TLN2: variants seen among roughly 807,000 people sequenced by gnomAD.
TLN2 encodes the protein talin 2, also known as talin-2.
A neutral mutation model predicts 294.7 loss-of-function variants in TLN2; 118 were observed. The ratio of observed to expected loss-of-function variants is 0.40; its 90% CI spans 0.34 to 0.47. TLN2 has a LOEUF of 0.47. Ranked by LOEUF, TLN2 falls within the 20% of genes least tolerant of loss-of-function variation. The pLI is 0.84. For missense variants in TLN2, 3,083 were observed against 3,282.2 expected, an observed-to-expected ratio of 0.94 and a Z score of 1.48; for synonymous variants, 1,431 against 1,304.5, an observed-to-expected ratio of 1.10 and a Z score of -2.09.
intron 3 of TLN2, among the ~76,000 whole-genome samples, chr15:62,630,061 C>T (rs1326069773): frequency 3.3e-5 from 5 of 152,052 alleles, no homozygotes; most frequent in Non-Finnish European, 5.9e-5. Context: ...GTGTATATAA[C>T]GAGCTGCCAG....
chr15:62,495,349 C>G (rs1360050016), intron 1 of TLN2, among the ~76,000 whole-genome samples: 2 of 152,084 alleles, frequency 1.3e-5, no homozygotes, highest in Non-Finnish European at 2.9e-5. Flanking sequence ...GATCTTTCTC[C>G]CCAGAGAGAA....
intron 32 of TLN2, among the ~76,000 whole-genome samples, chr15:62,742,826 C>T (rs567353649): frequency 6.6e-6 from 1 of 152,230 alleles, no homozygotes; most frequent in East Asian, 1.9e-4. Flanking sequence ...GCTTCTGCTC[C>T]CTGGGGCTGT....
At chr15:62,777,530 C>CAAAAAAAA (rs5813171) in intron 43 of TLN2, among the ~76,000 whole-genome samples, 1 of 135,490 alleles carries the variant, frequency 7.4e-6, no homozygotes. Flanking sequence ...GCGAAACTCT[C>CAAAAAAAA]AAAAAAAAAA....
chr15:62,717,810 C>T, intron 24 of TLN2, 121 bp downstream of exon 24: 3 of 680,596 alleles, frequency 4.4e-6, no homozygotes, highest in Non-Finnish European at 4.6e-6. Flanking sequence ...CAATTTGCCC[C>T]AGTTCCCATG....
At chr15:62,748,515 C>A in intron 33 of TLN2, 71 bp downstream of exon 33, 1 of 1,190,494 alleles carries the variant, frequency 8.4e-7, no homozygotes, top group Non-Finnish European at 1.2e-6. Context: ...GTGTGTCTGT[C>A]TGTCTATGTC....
intron 13 of TLN2, 151 bp from the exon 14 acceptor site, chr15:62,694,165 C>CG: frequency 1.8e-6 from 1 of 556,828 alleles, no homozygotes; most frequent in Non-Finnish European, 3.2e-6. Flanking sequence ...TTATTAGAGA[C>CG]GGGGTCTCAC....
intron 1 of TLN2, among the ~76,000 whole-genome samples, chr15:62,488,540 T>C (rs2038534269): frequency 6.6e-6 from 1 of 152,200 alleles, no homozygotes; most frequent in Admixed American, 6.5e-5. Context: ...CACTGCAAAA[T>C]GGCCAGAATT....
chr15:62,766,638 G>A (rs2063025897), intron 41 of TLN2, among the ~76,000 whole-genome samples: 1 of 152,186 alleles, frequency 6.6e-6, no homozygotes, highest in Non-Finnish European at 1.5e-5. Flanking sequence ...AAGTTCAGAA[G>A]AAAACTTCAG....
At chr15:62,750,369 G>T (rs767591040) in intron 33 of TLN2, 33 bp from the exon 34 acceptor site, 10 of 1,580,178 alleles carry the variant, frequency 6.3e-6, no homozygotes, top group African/African-American at 5.4e-5. Flanking sequence ...TATGACATTT[G>T]CTTGCTTTTT....
chr15:62,692,992 C>T (rs375200962), intron 13 of TLN2, 51 bp downstream of exon 13: 22 of 1,512,540 alleles, frequency 1.5e-5, no homozygotes, highest in South Asian at 1.3e-4. Context: ...TATTAAAAGG[C>T]TTGGTTTCGA....
At position 62,755,597 on chromosome 15, in the gene TLN2, C is replaced by G; in HGVS notation, c.4542C>G (p.Ala1514=). ...TSALCNACRI[A]SSKTANPVAK... ...CCTTGTGCAATGCCTGCCGCATCGC[C>G]TCATCCAAGACGGCCAACCCAGTAG... Residue 1514 remains alanine, a synonymous_variant, in exon 37 of 59, where the codon GCC becomes GCG. Coordinates refer to ENST00000636159, the MANE Select transcript of TLN2 (RefSeq NM_015059.3). The G allele has an allele frequency of 6.2e-7, 1 of 1,614,242 alleles. No individual in the cohort carries two copies. Among genetic ancestry groups the G allele is most frequent in the East Asian group, 2.2e-5 (1 of 44,882 alleles).
chr15:62,725,787 T>A (rs1384203411), intron 27 of TLN2, among the ~76,000 whole-genome samples: 1 of 152,200 alleles, frequency 6.6e-6, no homozygotes, highest in Non-Finnish European at 1.5e-5. Context: ...TGTCCAATGT[T>A]ATCTGCCAGT....
At chr15:62,649,484 C>G (rs1407019044) in intron 4 of TLN2, among the ~76,000 whole-genome samples, 1 of 152,146 alleles carries the variant, frequency 6.6e-6, no homozygotes, top group South Asian at 2.1e-4. Flanking sequence ...CCCCTTCGTA[C>G]TTCCTATGTC....
In TLN2 at chr15:62,800,768, C is replaced by T. The variant is rs534607989; in HGVS notation, c.6476C>T (p.Thr2159Met). Residue 2159 changes from threonine (T) to methionine (M), a missense_variant and splice_region_variant, in exon 50 of 59, where the codon ACG (threonine) becomes ATG (methionine). Transcript: ENST00000636159. ...ATIECIKQELTVFQSKDVPEK... is the reference protein window; with the variant it reads ...ATIECIKQELMVFQSKDVPEK... ...ATTGAATGCATAAAGCAGGAGCTTACGGTAAGGAGCCAGCAGTTACCTCCC... is the reference window on the plus strand; with the variant it reads ...ATTGAATGCATAAAGCAGGAGCTTATGGTAAGGAGCCAGCAGTTACCTCCC... The T allele has an allele frequency of 1.5e-5, 24 of 1,609,300 alleles. No homozygotes were observed. The highest frequency in any genetic ancestry group is 4.0e-5 in the African/African-American group (3 of 75,000).
At chr15:62,455,614 G>A (rs1020100064) in intron 1 of TLN2, among the ~76,000 whole-genome samples, 1 of 152,196 alleles carries the variant, frequency 6.6e-6, no homozygotes, top group African/African-American at 2.4e-5. Flanking sequence ...ATGCCAGAGT[G>A]CCATTCTGGA....
In TLN2 at chr15:62,792,646, A is replaced by C; in HGVS notation, c.5742A>C (p.Gly1914=). Residue 1914 remains glycine, a synonymous_variant, in exon 46 of 59, where the codon GGA becomes GGC. Coordinates refer to ENST00000636159, the MANE Select transcript of TLN2 (RefSeq NM_015059.3). ...AAATAEPEEI[G]FQIRTRVQDL... ...TCCTGGGCTTGCCTCTGCAGATCGG[A>C]TTCCAGATTCGCACTCGTGTGCAGG... 1.2e-6 allele frequency: 2 copies of C among 1,613,184 alleles called. No homozygotes were observed. The highest frequency in any genetic ancestry group is 1.7e-6 in the Non-Finnish European group (2 of 1,179,834).
chr15:62,838,454 C>T (rs56676526), intron 57 of TLN2, among the ~76,000 whole-genome samples: 15,878 of 152,218 alleles, frequency 0.1, 864 homozygotes, highest in South Asian at 0.17. Flanking sequence ...GTGATGTCTG[C>T]GCCAAGTCCT....
chr15:62,399,733 T>G (rs1203090441), intron 1 of TLN2, among the ~76,000 whole-genome samples: 2 of 152,264 alleles, frequency 1.3e-5, no homozygotes, highest in Non-Finnish European at 2.9e-5. Context: ...TTTGGCCAAT[T>G]TCTCCTATTT....
At chr15:62,822,075 T>C (rs1468349157) in intron 54 of TLN2, among the ~76,000 whole-genome samples, 1 of 152,180 alleles carries the variant, frequency 6.6e-6, no homozygotes, top group African/African-American at 2.4e-5. Context: ...TTCACCATAT[T>C]CTAAGAGCTC....
Sources: allele counts gnomAD v4.1 joint callset (sites outside exome capture counted in the v4.1 genomes callset), GRCh38; gene constraint gnomAD v4.1.1; transcripts MANE v1.5; gene names NCBI Gene and HGNC (gene_info 2026-07-23, HGNC 2026-07-21).